CLK3: variants seen among roughly 807,000 people sequenced by gnomAD.
The protein encoded by CLK3 is CDC like kinase 3.
CLK3 carries 24 observed loss-of-function variants against 65.2 expected under a neutral mutation model. That is an observed-to-expected ratio of 0.37 (90% CI 0.27 to 0.52). The LOEUF (loss-of-function observed/expected upper bound fraction) is 0.52. CLK3 is among the 20% of genes least tolerant of loss of function. The probability of loss-of-function intolerance (pLI) is 0.92; values close to 1 mark genes in which losing one functional copy is unlikely to be tolerated. For missense variants in CLK3, 506 were observed against 660.0 expected (o/e 0.77, Z 2.56); for synonymous variants, 252 against 240.8 (o/e 1.05, Z -0.43).
chr15:74,625,496 G>C (rs2062137477), intron 6 of CLK3, among the ~76,000 whole-genome samples: 2 of 152,126 alleles, frequency 1.3e-5, no homozygotes, highest in African/African-American at 4.8e-5. Context: ...CTCTCCCTCA[G>C]CAACTCTGAG....
chr15:74,615,739 G>A, upstream of CLK3: 1 of 1,239,128 alleles, frequency 8.1e-7, no homozygotes, highest in Non-Finnish European at 1.0e-6. Flanking sequence ...TCGAGTCGGG[G>A]GCTAGAGCGG....
rs777762585 is a variant in CLK3, at chr15:74,622,563, G to A, written c.533+3G>A. 5 of 1,609,954 alleles carry A rather than the reference G, an allele frequency of 3.1e-6. No homozygotes were observed. Among genetic ancestry groups the A allele is most frequent in the Non-Finnish European group, 3.4e-6 (4 of 1,178,024 alleles). The stretch of plus-strand genomic sequence containing the variant: ...GTGGAGTGCTTGGACCATGCCAGGT[G>A]AGCGAGCTGCGGCAGTACAGCTGGC... On this transcript the variant is annotated splice_donor_region_variant and intron_variant, in intron 5 of 12. Coordinates refer to ENST00000395066, the MANE Select transcript of CLK3 (RefSeq NM_001130028.2). This position sits in a 1 kb window ranked among gnomAD's most constrained non-coding sequence, Gnocchi z 4.6.
chr15:74,629,321 G>C (rs1446004348), intron 12 of CLK3: 5 of 546,190 alleles, frequency 9.2e-6, no homozygotes, highest in South Asian at 2.0e-5. Context: ...CTCTCTCCTC[G>C]AAATTTTGGG....
At chr15:74,616,846 C>T (rs983114787) in intron 1 of CLK3, among the ~76,000 whole-genome samples, 4 of 152,224 alleles carry the variant, frequency 2.6e-5, no homozygotes, top group African/African-American at 7.2e-5. Flanking sequence ...AATGAGAAGC[C>T]GACAAGGCCT....
rs967991160 is a variant in CLK3 at position 74,630,036 on chromosome 15, G to T, written c.*153G>T. 27 of 672,734 alleles carry T rather than the reference G, an allele frequency of 4.0e-5. No homozygotes were observed. In the East Asian group the frequency reaches 7.1e-4, roughly 18 times the overall value. 41.7% of individuals were successfully genotyped at this position (672,734 alleles called of 1,614,324 possible). On this transcript the variant is annotated 3_prime_UTR_variant, in exon 13 of 13. Transcript: ENST00000395066. The stretch of plus-strand genomic sequence containing the variant: ...GAGCCTGCAGGGGAGCAGACTTGGT[G>T]CCCAGCTGCCAGAAAGCACAGATTT...
At chr15:74,617,500 C>T (rs141426240) in intron 1 of CLK3, among the ~76,000 whole-genome samples, 20 of 152,350 alleles carry the variant, frequency 1.3e-4, no homozygotes, top group Admixed American at 3.3e-4. Flanking sequence ...ATGAAGCTGA[C>T]GGTCAGAGTA....
intron 1 of CLK3, among the ~76,000 whole-genome samples, chr15:74,610,676 G>A (rs74891510): frequency 0.023 from 3,570 of 152,314 alleles, 142 homozygotes; most frequent in African/African-American, 0.081. Context: ...AGCTGGGCCC[G>A]AGATACACCG....
rs550921975 is a variant in CLK3, at chr15:74,615,930, A to AGCG, written c.-1+44_-1+46dup. 3.6e-4 allele frequency: 442 copies of AGCG among 1,235,778 alleles called. No homozygotes were observed. The African/African-American group carries it at 6.0e-3, about 17-fold the overall frequency. 76.6% of individuals were successfully genotyped at this position (1,235,778 alleles called of 1,614,324 possible). A position where few individuals can be genotyped will look rare whatever the true frequency, so the allele number is the denominator to read the frequency against. ...GTGGGCTGGGGTCCGCGGCGGCGAC[A>AGCG]GCGGCGGCGGCGGCCGGGGGTGAGT... On this transcript the variant is annotated intron_variant, in intron 1 of 12. Transcript: ENST00000395066.
In CLK3 at chr15:74,615,905, G is replaced by T; in HGVS notation, c.-1+7G>T. ...AGCCGGAGCCTGGGAGACGGTAAGTGTGGGCTGGGGTCCGCGGCGGCGACA... is the reference window on the plus strand; with the variant it reads ...AGCCGGAGCCTGGGAGACGGTAAGTTTGGGCTGGGGTCCGCGGCGGCGACA... On this transcript the variant is annotated splice_region_variant and intron_variant, in intron 1 of 12. Coordinates refer to ENST00000395066, the MANE Select transcript of CLK3 (RefSeq NM_001130028.2). 2.4e-6 allele frequency: 3 copies of T among 1,249,042 alleles called. No individual in the cohort carries two copies. The highest frequency in any genetic ancestry group is 3.0e-6 in the Non-Finnish European group (3 of 997,344). The allele number at this position is 1,249,042 out of a possible 1,614,324, so 77.4% of individuals were successfully genotyped here. A position where few individuals can be genotyped will look rare whatever the true frequency, so the allele number is the denominator to read the frequency against.
chr15:74,615,412 C>A, upstream of CLK3: 1 of 1,252,586 alleles, frequency 8.0e-7, no homozygotes, highest in Non-Finnish European at 1.0e-6. Flanking sequence ...CTCCGGCACA[C>A]AGACCTCAGG....
Position 74,610,270 on chromosome 15 carries a change from C to T in CLK3, c.-1+1844C>T, listed in dbSNP as rs537149593. On this transcript the variant is annotated intron_variant, in intron 1 of 12. Coordinates refer to the CLK3 transcript ENST00000345005. Reference sequence around the variant, plus strand: ...GGATGGTCTGCCTGTTCCCTGCCACCCCACCCCTCCCCCACAGCCCAGCCC... The same window carrying T: ...GGATGGTCTGCCTGTTCCCTGCCACTCCACCCCTCCCCCACAGCCCAGCCC... Among the ~76,000 whole-genome samples, 6 of 152,332 alleles carry T rather than the reference C, an allele frequency of 3.9e-5. No individual in the cohort carries two copies. The East Asian group carries it at 9.7e-4, about 25-fold the overall frequency.
chr15:74,615,767 G>C (rs924294981), upstream of CLK3: 24 of 1,243,038 alleles, frequency 1.9e-5, no homozygotes, highest in Non-Finnish European at 2.0e-5. Context: ...TCCGAGCCGG[G>C]TCGAGCCGAG....
chr15:74,627,332 T>G lies in CLK3; in HGVS notation c.818-20T>G, dbSNP rs1353993434. The stretch of plus-strand genomic sequence containing the variant: ...CCAGCTTCTCAGTGCCTACTTCCCC[T>G]TCTTTCCCTGCTACCTTAGTTCTGC... On this transcript the variant is annotated intron_variant, in intron 7 of 12. Coordinates refer to ENST00000395066, the MANE Select transcript of CLK3 (RefSeq NM_001130028.2). The surrounding 1 kb of genome is among the most constrained non-coding windows in gnomAD (Gnocchi z 4.3). 6.2e-7 allele frequency: 1 copy of G among 1,602,542 alleles called. No homozygotes were observed. The highest frequency in any genetic ancestry group is 8.5e-7 in the Non-Finnish European group (1 of 1,169,614).
rs17851757 is a variant in CLK3, at chr15:74,629,833, C to T, written c.1423C>T (p.Leu475=). The T allele has an allele frequency of 6.2e-7, 1 of 1,611,810 alleles. No individual in the cohort carries two copies. Among genetic ancestry groups the T allele is most frequent in the Non-Finnish European group, 8.5e-7 (1 of 1,179,108 alleles). Residue 475 remains leucine (L), a synonymous_variant, in exon 13 of 13, where the codon CTG becomes TTG. Coordinates refer to ENST00000395066, the MANE Select transcript of CLK3 (RefSeq NM_001130028.2). ...CCTGCTGCACCCCTTCTTTGCTGGC[C>T]TGACCCCTGAGGAGCGGTCCTTCCA... The part of the protein sequence containing the change: ...EALLHPFFAG[L]TPEERSFHTS...
rs1246253756 is a variant in CLK3 at position 74,622,382 on chromosome 15, G to T, written c.467-112G>T. Reference sequence around the variant, plus strand: ...AGCAACTTCCATTTTTAAGAGTGTAGCAGTGAGAGAGAAACCTTTTTTGTT... The same window carrying T: ...AGCAACTTCCATTTTTAAGAGTGTATCAGTGAGAGAGAAACCTTTTTTGTT... On this transcript the variant is annotated intron_variant, in intron 4 of 12. Transcript: ENST00000395066. The surrounding 1 kb of genome is among the most constrained non-coding windows in gnomAD (Gnocchi z 4.6). 2.9e-6 allele frequency: 3 copies of T among 1,050,728 alleles called. No individual in the cohort carries two copies. Among genetic ancestry groups the T allele is most frequent in the Non-Finnish European group, 4.3e-6 (3 of 700,704 alleles). 65.1% of individuals were successfully genotyped at this position (1,050,728 alleles called of 1,614,324 possible).
At chr15:74,619,911 T>A in intron 2 of CLK3, 98 bp from the exon 3 acceptor site, 1 of 1,566,210 alleles carries the variant, frequency 6.4e-7, no homozygotes, top group Non-Finnish European at 8.6e-7. Flanking sequence ...TAGCACAGGC[T>A]GTCCCCCTTT....
At chr15:74,617,084 G>A (rs1596285830) in intron 1 of CLK3, among the ~76,000 whole-genome samples, 1 of 152,326 alleles carries the variant, frequency 6.6e-6, no homozygotes, top group East Asian at 1.9e-4. Flanking sequence ...ATGTGTTAAA[G>A]GAAGGATACT....
At chr15:74,609,623 C>T (rs898912837) in intron 1 of CLK3, among the ~76,000 whole-genome samples, 1 of 152,252 alleles carries the variant, frequency 6.6e-6, no homozygotes, top group Admixed American at 6.5e-5. Context: ...TCAGCAACTG[C>T]TCCTGCAGAC....
At chr15:74,629,264 A>G (rs944329982) in intron 12 of CLK3, 25 of 632,144 alleles carry the variant, frequency 4.0e-5, no homozygotes, top group Non-Finnish European at 6.6e-5. Flanking sequence ...GTAATTGGGG[A>G]ACACCAGAAG....
Sources: allele counts gnomAD v4.1 joint callset (sites outside exome capture counted in the v4.1 genomes callset), GRCh38; gene constraint gnomAD v4.1.1; non-coding constraint Gnocchi (gnomAD v3.1); transcripts MANE v1.5; gene names NCBI Gene and HGNC (gene_info 2026-07-23, HGNC 2026-07-21).